The following GFOD1 variants were observed in gnomAD, a reference collection of about 807,000 sequenced individuals.
GFOD1 encodes Gfo/Idh/MocA-like oxidoreductase domain containing 1.
A neutral mutation model predicts 25.4 loss-of-function variants in GFOD1; 9 were observed. That is an observed-to-expected ratio of 0.35 (90% confidence interval 0.21 to 0.62). The LOEUF is 0.62. GFOD1 is among the 20% of genes least tolerant of loss of function. GFOD1 has a pLI of 0.72. For synonymous variants in GFOD1, 253 were observed against 245.6 expected, an observed-to-expected ratio of 1.03 and a Z score of -0.28; for missense variants, 403 against 556.9, an observed-to-expected ratio of 0.72 and a Z score of 2.78.
Position 13,360,591 on chromosome 6 carries a change from C to G in GFOD1, c.*4152G>C. On this transcript the variant is annotated 3_prime_UTR_variant, in exon 2 of 2. Coordinates refer to ENST00000379287, the MANE Select transcript of GFOD1 (RefSeq NM_018988.4). ...CCAGCCCTGAGGCTTGCTGCATCAC[C>G]TACAATCAAAATGAACATAGGAAGT... 2.4e-6 allele frequency: 1 copy of G among 418,026 alleles called. No individual in the cohort carries two copies. Among genetic ancestry groups the G allele is most frequent in the Non-Finnish European group, 4.9e-6 (1 of 203,074 alleles). 25.9% of individuals were successfully genotyped at this position (418,026 alleles called of 1,614,324 possible).
intron 1 of GFOD1, among the ~76,000 whole-genome samples, chr6:13,375,036 C>T (rs1300535223): frequency 6.6e-6 from 1 of 152,146 alleles, no homozygotes; most frequent in Non-Finnish European, 1.5e-5. Flanking sequence ...AACCACTGCA[C>T]CCATGCCAAA....
rs138399851 is a variant in GFOD1 at position 13,470,107 on chromosome 6, G to A, written c.253+16531C>T. ...AGATGTTGAATTCGTTTGAAAAACC[G>A]ATAAATACTGCAGTTGGAAAATCCT... On this transcript the variant is annotated intron_variant, in intron 1 of 1. Coordinates refer to ENST00000379287, the MANE Select transcript of GFOD1 (RefSeq NM_018988.4). 516 of 1,435,430 alleles carry A rather than the reference G, an allele frequency of 3.6e-4. 1 individual carries two copies. In the African/African-American group the frequency reaches 5.5e-3, roughly 15 times the overall value. 88.9% of individuals were successfully genotyped at this position (1,435,430 alleles called of 1,614,324 possible). A position where few individuals can be genotyped will look rare whatever the true frequency, so the allele number is the denominator to read the frequency against.
intron 1 of GFOD1, chr6:13,470,560 A>T (rs1485794204): frequency 1.3e-6 from 2 of 1,528,436 alleles, no homozygotes; most frequent in African/African-American, 2.8e-5. Flanking sequence ...TCAGCTGAAC[A>T]GAACCACGTG....
chr6:13,410,243 G>A (rs1255880584), intron 1 of GFOD1, among the ~76,000 whole-genome samples: 1 of 152,126 alleles, frequency 6.6e-6, no homozygotes, highest in African/African-American at 2.4e-5. Context: ...GTTTGGATGG[G>A]TTATCTCATC....
In GFOD1 at chr6:13,452,280, G is replaced by C. The variant is rs76944734; in HGVS notation, c.253+34358C>G. Among the ~76,000 whole-genome samples the C allele has an allele frequency of 4.9e-3, 740 of 152,272 alleles. 12 individuals carry two copies. The highest frequency in any genetic ancestry group is 0.017 in the African/African-American group (698 of 41,540). On this transcript the variant is annotated intron_variant, in intron 1 of 1. Transcript: ENST00000379287. Reference sequence around the variant, plus strand: ...GGACGGTGAATTGGATAAAAGCATTGCATCGATATTAAAAATACTAAAGTT... The same window carrying C: ...GGACGGTGAATTGGATAAAAGCATTCCATCGATATTAAAAATACTAAAGTT...
chr6:13,463,220 C>CT (rs1194814029), intron 1 of GFOD1, among the ~76,000 whole-genome samples: 3 of 152,272 alleles, frequency 2.0e-5, no homozygotes, highest in Admixed American at 6.5e-5. Context: ...GGCTGGCAGC[C>CT]CCTGGGGAGA....
At chr6:13,405,958 T>C (rs1195511079) in intron 1 of GFOD1, among the ~76,000 whole-genome samples, 2 of 152,262 alleles carry the variant, frequency 1.3e-5, no homozygotes, top group Non-Finnish European at 2.9e-5. Context: ...AGGAGGAGCC[T>C]GGGGACATTG....
chr6:13,378,269 G>C (rs1785293112), intron 1 of GFOD1, among the ~76,000 whole-genome samples: 1 of 152,216 alleles, frequency 6.6e-6, no homozygotes, highest in African/African-American at 2.4e-5. Context: ...TGAGTGGAAT[G>C]GGGGATAGGA....
At chr6:13,451,601 A>G (rs767945798) in intron 1 of GFOD1, among the ~76,000 whole-genome samples, 1 of 152,278 alleles carries the variant, frequency 6.6e-6, no homozygotes, top group Non-Finnish European at 1.5e-5. Flanking sequence ...TGAAACCAGT[A>G]GCTTGGGGGA....
chr6:13,365,340 G>A lies in GFOD1; in HGVS notation c.576C>T (p.Ala192=), dbSNP rs1488095331. ...DLLTFLTGQK[A]VKVHGLLKTF... ...TCTTGAGCAGCCCGTGGACCTTGAC[G>A]GCCTTTTGGCCGGTGAGGAAGGTGA... is the stretch of plus-strand genomic sequence containing the variant. The change falls in exon 2 of 2, where the codon GCC becomes GCT. Residue 192 remains alanine, a synonymous_variant. Coordinates refer to ENST00000379287, the MANE Select transcript of GFOD1 (RefSeq NM_018988.4). The surrounding 1 kb of genome is among the most constrained non-coding windows in gnomAD (Gnocchi z 9.2). 1.9e-6 allele frequency: 3 copies of A among 1,614,200 alleles called. No individual in the cohort carries two copies. The highest frequency in any genetic ancestry group is 1.7e-5 in the Admixed American group (1 of 60,032).
intron 1 of GFOD1, chr6:13,486,007 T>C (rs1584680664): frequency 1.0e-6 from 1 of 984,880 alleles, no homozygotes; most frequent in Non-Finnish European, 1.2e-6. Flanking sequence ...CCCACCGTCC[T>C]TGCCTCCAGC....
At chr6:13,479,073 A>AG (rs1758692162) in intron 1 of GFOD1, among the ~76,000 whole-genome samples, 2 of 152,066 alleles carry the variant, frequency 1.3e-5, no homozygotes, top group Non-Finnish European at 2.9e-5. Flanking sequence ...AAAAAAAAAA[A>AG]AAAGAAAAAA....
rs201946508 is a variant in GFOD1 at position 13,390,608 on chromosome 6, TC to T, written c.254-24947del. ...CAGATGTGGTGGTGCATGCCTGTAG[TC>T]CCAGTGACTAGGGAGGCTGAGGCAG... On this transcript the variant is annotated intron_variant, in intron 1 of 1. Transcript: ENST00000379287. Among the ~76,000 whole-genome samples, 1,497 of 151,628 alleles carry T rather than the reference TC, an allele frequency of 9.9e-3. 27 individuals carry two copies. Among genetic ancestry groups the T allele is most frequent in the African/African-American group, 0.032 (1,341 of 41,264 alleles).
At chr6:13,483,379 C>T (rs1012493430) in intron 1 of GFOD1, among the ~76,000 whole-genome samples, 9 of 152,128 alleles carry the variant, frequency 5.9e-5, no homozygotes, top group Admixed American at 6.6e-5. Flanking sequence ...TCGCTGAAGC[C>T]CTTGGGTTCG....
chr6:13,374,273 T>TTTTGTGTGTGTG (rs1554199406), intron 1 of GFOD1, among the ~76,000 whole-genome samples: 2 of 134,416 alleles, frequency 1.5e-5, no homozygotes, highest in African/African-American at 5.8e-5. Context: ...TGTTTTTTTT[T>TTTTGTGTGTGTG]TGTGTGTGTG....
At position 13,379,687 on chromosome 6, in the gene GFOD1, T is replaced by A. The variant is rs184431401; in HGVS notation, c.254-14025A>T. Reference sequence around the variant, plus strand: ...CGTGAGGAACTAAGGTCCTTTCAAATAATTCCCTTCTGCTAAAATCAGCCA... The same window carrying A: ...CGTGAGGAACTAAGGTCCTTTCAAAAAATTCCCTTCTGCTAAAATCAGCCA... On this transcript the variant is annotated intron_variant, in intron 1 of 1. Transcript: ENST00000379287. 2.6e-4 allele frequency among the ~76,000 whole-genome samples: 40 copies of A among 152,338 alleles called. No individual in the cohort carries two copies. The East Asian group carries it at 6.0e-3, about 23-fold the overall frequency.
chr6:13,481,511 G>A (rs923312792), intron 1 of GFOD1, among the ~76,000 whole-genome samples: 12 of 152,184 alleles, frequency 7.9e-5, no homozygotes, highest in African/African-American at 2.9e-4. Context: ...GAGCTTGGAT[G>A]TTATTCTAGG....
chr6:13,469,759 A>G (rs1758449000), intron 1 of GFOD1: 1 of 1,139,942 alleles, frequency 8.8e-7, no homozygotes, highest in Non-Finnish European at 1.1e-6. Flanking sequence ...CACAGAATCA[A>G]TGACACATGA....
chr6:13,386,453 T>C (rs1025824826), intron 1 of GFOD1, among the ~76,000 whole-genome samples: 1 of 152,188 alleles, frequency 6.6e-6, no homozygotes, highest in African/African-American at 2.4e-5. Flanking sequence ...CGGCTGTCCC[T>C]GCCAGCAGCC....
Sources: gnomAD v4.1 joint callset for allele counts (sites outside exome capture counted in the v4.1 genomes callset) on GRCh38, gnomAD v4.1.1 for gene constraint, Gnocchi (gnomAD v3.1) non-coding constraint, MANE v1.5 for transcripts, NCBI Gene and HGNC (gene_info 2026-07-23, HGNC 2026-07-21) for gene names.